Variants in TMX3 observed in about 807,000 individuals in gnomAD.
TMX3 encodes the protein thioredoxin related transmembrane protein 3.
In TMX3, 40 loss-of-function variants were observed where a neutral mutation model predicts 64.4. The ratio of observed to expected loss-of-function variants is 0.62; its 90% CI spans 0.48 to 0.81. The LOEUF is 0.81. Among genes scored for constraint, TMX3 ranks in the 30% least tolerant of loss-of-function variants. The pLI, the probability that TMX3 is intolerant of heterozygous loss-of-function variation, is 0.00. For synonymous variants in TMX3, 189 were observed against 175.7 expected (o/e 1.08, Z -0.60); for missense variants, 497 against 534.5 (o/e 0.93, Z 0.69).
intron 6 of TMX3, among the ~76,000 whole-genome samples, chr18:68,700,169 T>C (rs1915523606): frequency 6.6e-6 from 1 of 152,106 alleles, no homozygotes; most frequent in Non-Finnish European, 1.5e-5. Context: ...AATTCTTCTA[T>C]AGACAAAATG....
intron 4 of TMX3, among the ~76,000 whole-genome samples, chr18:68,705,455 A>G (rs746935775): frequency 3.3e-5 from 5 of 152,226 alleles, no homozygotes; most frequent in African/African-American, 4.8e-5. Context: ...TTTAACTACA[A>G]TCTACGAACA....
At chr18:68,700,317 A>C (rs1352581337) in intron 6 of TMX3, 88 bp downstream of exon 6, 1 of 929,464 alleles carries the variant, frequency 1.1e-6, no homozygotes, top group Non-Finnish European at 1.6e-6. Context: ...TATGTCCTTA[A>C]AATATGTTTG....
chr18:68,705,655 T>C (rs2030590655), intron 4 of TMX3, among the ~76,000 whole-genome samples: 2 of 152,178 alleles, frequency 1.3e-5, no homozygotes, highest in Non-Finnish European at 2.9e-5. Context: ...AAATGAGAAA[T>C]ATTTTAGCAC....
chr18:68,679,439 A>G (rs981360686), intron 15 of TMX3, 24 bp downstream of exon 15: 1 of 1,580,652 alleles, frequency 6.3e-7, no homozygotes, highest in African/African-American at 1.4e-5. Flanking sequence ...TTCATTATCA[A>G]TGACATAAAC....
intron 10 of TMX3, chr18:68,686,807 A>G: frequency 1.0e-6 from 1 of 985,422 alleles, no homozygotes; most frequent in Non-Finnish European, 1.2e-6. Flanking sequence ...AGATAAGCAA[A>G]GGCAGAAATA....
At chr18:68,679,633 A>G in intron 14 of TMX3, 102 bp from the exon 15 acceptor site, 1 of 889,858 alleles carries the variant, frequency 1.1e-6, no homozygotes, top group South Asian at 1.7e-5. Context: ...TGACTCCAAA[A>G]TATTACATAA....
rs991645355 is a variant in TMX3 at position 68,699,493 on chromosome 18, C to T, written c.392+912G>A. On this transcript the variant is annotated intron_variant, in intron 6 of 15. Coordinates refer to ENST00000299608, the MANE Select transcript of TMX3 (RefSeq NM_019022.5). ...AAATTACATTAGTAAGCACCACAAACTTTAATATATAAAGATCACTCCTAA... is the reference window on the plus strand; with the variant it reads ...AAATTACATTAGTAAGCACCACAAATTTTAATATATAAAGATCACTCCTAA... 2.0e-5 allele frequency among the ~76,000 whole-genome samples: 3 copies of T among 152,144 alleles called. No homozygotes were observed. The East Asian group carries it at 5.8e-4, about 29-fold the overall frequency.
At chr18:68,714,783 T>C (rs1411725119) in intron 1 of TMX3, among the ~76,000 whole-genome samples, 153 bp downstream of exon 1, 2 of 152,038 alleles carry the variant, frequency 1.3e-5, no homozygotes, top group Admixed American at 6.5e-5. Context: ...CCAGGCAGGG[T>C]GGCGCGGCGG....
At chr18:68,713,542 G>A (rs1307232868) in intron 2 of TMX3, among the ~76,000 whole-genome samples, 1 of 152,086 alleles carries the variant, frequency 6.6e-6, no homozygotes, top group African/African-American at 2.4e-5. Context: ...ATACTATGAA[G>A]ATAAATACAG....
intron 11 of TMX3, 80 bp from the exon 12 acceptor site, chr18:68,684,323 A>C: frequency 6.8e-7 from 1 of 1,480,006 alleles, no homozygotes; most frequent in Non-Finnish European, 9.4e-7. Context: ...CTGCTGTCTT[A>C]CATCTAATTG....
At chr18:68,697,135 A>C in intron 8 of TMX3, 91 bp downstream of exon 8, 1 of 713,418 alleles carries the variant, frequency 1.4e-6, no homozygotes, top group East Asian at 2.9e-5. Context: ...CAATAATTTA[A>C]TCAAGTAATA....
chr18:68,714,821 T>A (rs1021906712), intron 1 of TMX3, 115 bp downstream of exon 1: 1 of 1,369,338 alleles, frequency 7.3e-7, no homozygotes, highest in African/African-American at 1.5e-5. Context: ...CGGGAATGGG[T>A]GGGCATCTCC....
At chr18:68,703,054 G>A (rs1377323173) in intron 4 of TMX3, among the ~76,000 whole-genome samples, 1 of 152,182 alleles carries the variant, frequency 6.6e-6, no homozygotes, top group African/African-American at 2.4e-5. Flanking sequence ...TAATTTATTT[G>A]TGCCCGTCTG....
chr18:68,696,297 C>G (rs1915064579), intron 8 of TMX3, among the ~76,000 whole-genome samples: 1 of 152,096 alleles, frequency 6.6e-6, no homozygotes, highest in African/African-American at 2.4e-5. Context: ...CCTCAGCCCC[C>G]TGAGTAGCTG....
chr18:68,711,433 G>A (rs761397754), intron 2 of TMX3, 30 bp from the exon 3 acceptor site: 4 of 1,517,620 alleles, frequency 2.6e-6, no homozygotes, highest in Admixed American at 1.8e-5. Flanking sequence ...ATGTTTGATT[G>A]TATGTTTGTG....
chr18:68,696,051 C>A (rs550054133), intron 8 of TMX3, among the ~76,000 whole-genome samples: 9 of 152,178 alleles, frequency 5.9e-5, no homozygotes, highest in Non-Finnish European at 1.3e-4. Context: ...CTTCATATCA[C>A]GTAAAAGTCT....
chr18:68,714,766 G>A (rs1014395548), intron 1 of TMX3, among the ~76,000 whole-genome samples, 170 bp downstream of exon 1: 5 of 152,234 alleles, frequency 3.3e-5, no homozygotes, highest in Non-Finnish European at 7.3e-5. Flanking sequence ...TGTCCGCTCC[G>A]TCAGGGCCAG....
chr18:68,701,137 T>TG lies in TMX3; in HGVS notation c.311+607dup, dbSNP rs144986429. ...AGGCTAAGCAAACATTTTTAAAAAG[T>TG]GGGGGAAGGAAAAAGGTCGACACAA... On this transcript the variant is annotated intron_variant, in intron 5 of 15. Coordinates refer to ENST00000299608, the MANE Select transcript of TMX3 (RefSeq NM_019022.5). 2.1e-3 allele frequency: 1,188 copies of TG among 563,146 alleles called. 10 individuals carry two copies. In the African/African-American group the frequency reaches 0.022, roughly 11 times the overall value. 34.9% of individuals were successfully genotyped at this position (563,146 alleles called of 1,614,324 possible). A position where few individuals can be genotyped will look rare whatever the true frequency, so the allele number is the denominator to read the frequency against.
At chr18:68,700,800 A>AT in intron 5 of TMX3, 1 of 985,114 alleles carries the variant, frequency 1.0e-6, no homozygotes. Context: ...TTAAAGTACT[A>AT]TAATTCTCAT....
Sources: allele counts gnomAD v4.1 joint callset (sites outside exome capture counted in the v4.1 genomes callset), GRCh38; gene constraint gnomAD v4.1.1; transcripts MANE v1.5; gene names NCBI Gene and HGNC (gene_info 2026-07-23, HGNC 2026-07-21).